ZFHX4: variants seen among roughly 807,000 people sequenced by gnomAD.
ZFHX4 encodes the protein zinc finger homeobox 4.
In ZFHX4, 56 loss-of-function variants were observed where a neutral mutation model predicts 267.6. The ratio of observed to expected loss-of-function variants is 0.21; its 90% confidence interval spans 0.17 to 0.26. ZFHX4 has a LOEUF of 0.26. Ranked by LOEUF, ZFHX4 falls within the 10% of genes least tolerant of loss-of-function variation. The pLI is 1.00. For missense variants in ZFHX4, 4,332 were observed against 4,420.0 expected (o/e 0.98, Z 0.56); for synonymous variants, 1,778 against 1,665.6 (o/e 1.07, Z -1.64).
At chr8:76,735,858 T>C (rs187761859) in intron 3 of ZFHX4, among the ~76,000 whole-genome samples, 1 of 152,174 alleles carries the variant, frequency 6.6e-6, no homozygotes, top group African/African-American at 2.4e-5. Flanking sequence ...CAAGGTAATT[T>C]AGTGCAGCAG....
chr8:76,743,243 T>A (rs1184610116), intron 3 of ZFHX4, among the ~76,000 whole-genome samples: 2 of 152,178 alleles, frequency 1.3e-5, no homozygotes, highest in Non-Finnish European at 2.9e-5. Flanking sequence ...CTTATGAGGT[T>A]CTAATCTTCC....
rs761417543 is a variant in ZFHX4, at chr8:76,707,715, A to G, written c.2760A>G (p.Leu920=). ...TCACCTCTGACAGCCTGGAGGCCCT[A>G]AGTGTGCATGTGAGCAGTGAGCGCT... is the stretch of plus-strand genomic sequence containing the variant. The part of the protein sequence containing the change: ...NKFTSDSLEA[L]SVHVSSERSL... Residue 920 remains leucine (L), a synonymous_variant, in exon 3 of 11, where the codon CTA becomes CTG. Transcript: ENST00000651372. 3.1e-6 allele frequency: 5 copies of G among 1,613,766 alleles called. No individual in the cohort carries two copies. The Admixed American group carries it at 5.0e-5, about 16-fold the overall frequency.
intron 1 of ZFHX4, among the ~76,000 whole-genome samples, chr8:76,699,280 A>G (rs1259577732): frequency 6.6e-6 from 1 of 152,210 alleles, no homozygotes; most frequent in African/African-American, 2.4e-5. Context: ...CTATTGGAAC[A>G]TAATGACTCC....
chr8:76,815,667 A>T (rs1811486445), intron 4 of ZFHX4, among the ~76,000 whole-genome samples: 1 of 151,916 alleles, frequency 6.6e-6, no homozygotes. Flanking sequence ...ATGACTGGCT[A>T]ATTTTTTATT....
At chr8:76,731,112 A>G (rs11985148) in intron 3 of ZFHX4, among the ~76,000 whole-genome samples, 46,096 of 152,010 alleles carry the variant, frequency 0.3, 10,112 homozygotes, top group African/African-American at 0.62. Context: ...TGGGGCCCAT[A>G]CACATGGAAG....
Position 76,809,300 on chromosome 8 carries a change from C to T in ZFHX4, c.3326-24038C>T, listed in dbSNP as rs78354975. On this transcript the variant is annotated intron_variant, in intron 4 of 10. Transcript: ENST00000651372. ...ACCATTGTCTTCTAATGAAACAGGG[C>T]ATTTTTGCAAGTGTGAATGTGGTTA... 2.7e-4 allele frequency among the ~76,000 whole-genome samples: 41 copies of T among 152,236 alleles called. 1 individual carries two copies. The East Asian group carries it at 7.5e-3, about 28-fold the overall frequency.
chr8:76,843,180 C>A (rs1192738635), intron 6 of ZFHX4, among the ~76,000 whole-genome samples: 2 of 152,164 alleles, frequency 1.3e-5, no homozygotes, highest in African/African-American at 2.4e-5. Flanking sequence ...GTCATTCAGT[C>A]ACATGTATTC....
intron 4 of ZFHX4, among the ~76,000 whole-genome samples, chr8:76,831,632 C>G (rs910023826): frequency 6.6e-6 from 1 of 152,112 alleles, no homozygotes; most frequent in South Asian, 2.1e-4. Context: ...TGCATTTGAA[C>G]AACTCAAAAT....
chr8:76,755,112 C>A (rs1809728061), intron 3 of ZFHX4, among the ~76,000 whole-genome samples: 1 of 152,126 alleles, frequency 6.6e-6, no homozygotes, highest in African/African-American at 2.4e-5. Flanking sequence ...ATTTATTTAA[C>A]TAATAGGTCA....
chr8:76,863,986 C>T lies in ZFHX4; in HGVS notation c.10272C>T (p.Ser3424=). 2 of 1,613,530 alleles carry T rather than the reference C, an allele frequency of 1.2e-6. No individual in the cohort carries two copies. The highest frequency in any genetic ancestry group is 2.2e-5 in the South Asian group (2 of 91,032). ...DEDAAVNHQK[S]FCYFGQPLID... ...ACGCCGCAGTAAATCATCAAAAGTC[C>T]TTCTGTTATTTCGGTCAGCCTTTGA... Residue 3424 remains serine, a synonymous_variant, in exon 11 of 11, where the codon TCC becomes TCT. Coordinates refer to ENST00000651372, the MANE Select transcript of ZFHX4 (RefSeq NM_024721.5).
Position 76,852,607 on chromosome 8 carries a change from C to A in ZFHX4, c.5686C>A (p.Pro1896Thr), listed in dbSNP as rs750451912. 6.2e-7 allele frequency: 1 copy of A among 1,612,394 alleles called. No homozygotes were observed. Among genetic ancestry groups the A allele is most frequent in the East Asian group, 2.2e-5 (1 of 44,764 alleles). Reference protein sequence around the residue: ...KKQKSLEPSIPPPRIASGARG... With the variant: ...KKQKSLEPSITPPRIASGARG... ...GCAAAAATCCTTGGAACCATCCATC[C>A]CACCACCCCGAATAGCTTCAGGGGC... Residue 1896 changes from proline (P) to threonine (T), a missense_variant, in exon 10 of 11, where the codon CCA becomes ACA. Physicochemically the swap from Pro to Thr is conservative, Grantham distance 38 (BLOSUM62 -1). Transcript: ENST00000651372.
chr8:76,720,486 G>A (rs1347171953), intron 3 of ZFHX4, among the ~76,000 whole-genome samples: 2 of 152,088 alleles, frequency 1.3e-5, no homozygotes, highest in Non-Finnish European at 2.9e-5. Context: ...TATATACAAG[G>A]TTTTGTGTGG....
At chr8:76,821,691 G>C (rs1401628219) in intron 4 of ZFHX4, among the ~76,000 whole-genome samples, 1 of 152,000 alleles carries the variant, frequency 6.6e-6, no homozygotes, top group Non-Finnish European at 1.5e-5. Flanking sequence ...TCCCTGTAGG[G>C]AACTGAAATA....
intron 3 of ZFHX4, among the ~76,000 whole-genome samples, chr8:76,734,859 A>G (rs1809116622): frequency 6.6e-6 from 1 of 152,194 alleles, no homozygotes; most frequent in Admixed American, 6.6e-5. Flanking sequence ...GTAACATGTA[A>G]TAAGAATATT....
In ZFHX4 at chr8:76,707,562, G is replaced by T. The variant is rs763801174; in HGVS notation, c.2607G>T (p.Pro869=). Reference sequence around the variant, plus strand: ...TTCCTGTAGTAAATAATGAGCTGCCGCCTGAAATCCGGCTTGCCAGTGGTC... The same window carrying T: ...TTCCTGTAGTAAATAATGAGCTGCCTCCTGAAATCCGGCTTGCCAGTGGTC... ...LAPGLVNNEL[P]PEIRLASGQL... Residue 869 remains proline, a synonymous_variant, in exon 3 of 11, where the codon CCG becomes CCT. Transcript: ENST00000651372. The T allele has an allele frequency of 1.3e-6, 2 of 1,580,226 alleles. No homozygotes were observed. The highest frequency in any genetic ancestry group is 1.7e-4 in the Middle Eastern group (1 of 5,880).
intron 10 of ZFHX4, 100 bp from the exon 11 acceptor site, chr8:76,862,994 T>A: frequency 7.1e-7 from 1 of 1,412,156 alleles, no homozygotes; most frequent in South Asian, 1.7e-5. Flanking sequence ...TTTTCTGATA[T>A]AGCAATGTCC....
intron 3 of ZFHX4, among the ~76,000 whole-genome samples, chr8:76,769,703 G>C (rs1486605540): frequency 6.6e-6 from 1 of 152,118 alleles, no homozygotes; most frequent in Admixed American, 6.5e-5. Flanking sequence ...TCTATTTGTG[G>C]AGTCAAAGGG....
chr8:76,852,282 C>G lies in ZFHX4; in HGVS notation c.5361C>G (p.His1787Gln). 6.4e-7 allele frequency: 1 copy of G among 1,573,764 alleles called. No homozygotes were observed. The highest frequency in any genetic ancestry group is 1.4e-5 in the African/African-American group (1 of 74,036). ...AGCAGCAGATTCAAACCCAACATCACGTTGGTCAAACTCAACTCCAGATAC... is the reference window on the plus strand; with the variant it reads ...AGCAGCAGATTCAAACCCAACATCAGGTTGGTCAAACTCAACTCCAGATAC... ...DLKQQIQTQH[H>Q]VGQTQLQILQ... Residue 1787 changes from histidine (H) to glutamine (Q), a missense_variant, in exon 10 of 11, where the codon CAC becomes CAG. Coordinates refer to ENST00000651372, the MANE Select transcript of ZFHX4 (RefSeq NM_024721.5).
intron 3 of ZFHX4, among the ~76,000 whole-genome samples, chr8:76,734,532 A>C (rs1027295087): frequency 2.0e-5 from 3 of 152,146 alleles, no homozygotes; most frequent in African/African-American, 7.2e-5. Flanking sequence ...AATGAAAATT[A>C]ATTATAATTT....
Sources: allele counts gnomAD v4.1 joint callset (sites outside exome capture counted in the v4.1 genomes callset), GRCh38; gene constraint gnomAD v4.1.1; transcripts MANE v1.5; gene names NCBI Gene and HGNC (gene_info 2026-07-23, HGNC 2026-07-21).